Variants in HECTD4 observed in about 807,000 individuals in gnomAD.
The protein encoded by HECTD4 is probable E3 ubiquitin-protein ligase HECTD4.
Under a neutral mutation model 471.5 loss-of-function variants are expected in HECTD4, and 114 were observed. That is an observed-to-expected ratio of 0.24 (90% CI 0.21 to 0.28). The LOEUF (loss-of-function observed/expected upper bound fraction) is 0.28, where lower values mean the gene tolerates loss of function less well. Among genes scored for constraint, HECTD4 ranks in the 10% least tolerant of loss-of-function variants. The pLI is 1.00. For missense variants in HECTD4, 3,866 were observed against 5,651.5 expected (o/e 0.68, Z 10.13); for synonymous variants, 2,012 against 2,256.0 (o/e 0.89, Z 3.07).
At chr12:112,279,889 C>A (rs889865723) in intron 8 of HECTD4, among the ~76,000 whole-genome samples, 2 of 152,138 alleles carry the variant, frequency 1.3e-5, no homozygotes, top group African/African-American at 4.8e-5. Context: ...CCAAAATATT[C>A]CAGTGAACAT....
rs1555255996 is a variant in HECTD4, at chr12:112,295,148, A to AAAGAG, written c.1335+10915_1335+10916insCTCTT. 2.5e-4 allele frequency among the ~76,000 whole-genome samples: 37 copies of AAAGAG among 150,158 alleles called. 1 individual carries two copies. Among genetic ancestry groups the AAAGAG allele is most frequent in the African/African-American group, 6.7e-4 (27 of 40,532 alleles). On this transcript the variant is annotated intron_variant, in intron 7 of 75. Transcript: ENST00000682272. The stretch of plus-strand genomic sequence containing the variant: ...AGCGAAATCCCGTCTGAAAAAAAAA[A>AAAGAG]AGAGAGAGAAACAAAAATCCCTTCC...
intron 44 of HECTD4, among the ~76,000 whole-genome samples, chr12:112,222,729 G>C (rs2033134234): frequency 6.6e-6 from 1 of 152,158 alleles, no homozygotes; most frequent in Admixed American, 6.5e-5. Flanking sequence ...AGCTACTCAG[G>C]AGGCTGAAGC....
Position 112,163,841 on chromosome 12 carries a change from GCCTGGGGCCC to G in HECTD4, c.12702-114_12702-105del. ...GGTCCCGGATCCTCTCTTGGGAGAGGCCTGGGGCCCAGCCGCCCTGGTCATCCCAGTCCTT... is the reference window on the plus strand; with the variant it reads ...GGTCCCGGATCCTCTCTTGGGAGAGGAGCCGCCCTGGTCATCCCAGTCCTT... On this transcript the variant is annotated intron_variant, in intron 73 of 75. Transcript: ENST00000682272. This position sits in a 1 kb window ranked among gnomAD's most constrained non-coding sequence, Gnocchi z 8.2. The G allele has an allele frequency of 1.8e-6, 2 of 1,117,940 alleles. No individual in the cohort carries two copies. The highest frequency in any genetic ancestry group is 2.4e-6 in the Non-Finnish European group (2 of 829,918). 69.3% of individuals were successfully genotyped at this position (1,117,940 alleles called of 1,614,324 possible).
At chr12:112,265,087 G>T in intron 16 of HECTD4, 88 bp downstream of exon 16, 1 of 1,233,128 alleles carries the variant, frequency 8.1e-7, no homozygotes, top group Non-Finnish European at 1.1e-6. Flanking sequence ...TTGTAAGTCT[G>T]TATGTATACA....
At chr12:112,295,115 G>A (rs1283127222) in intron 7 of HECTD4, among the ~76,000 whole-genome samples, 1 of 150,334 alleles carries the variant, frequency 6.7e-6, no homozygotes, top group African/African-American at 2.5e-5. Context: ...GGCTAGCCGA[G>A]GCAACATAGC....
chr12:112,339,042 T>C (rs948908001), intron 1 of HECTD4, among the ~76,000 whole-genome samples: 4 of 152,090 alleles, frequency 2.6e-5, no homozygotes, highest in African/African-American at 7.2e-5. Flanking sequence ...CATTTACAGG[T>C]TGCAGGGACT....
intron 1 of HECTD4, among the ~76,000 whole-genome samples, chr12:112,365,086 C>T (rs891260834): frequency 1.3e-5 from 2 of 152,100 alleles, no homozygotes; most frequent in African/African-American, 4.8e-5. Flanking sequence ...ATCTAAAAAG[C>T]GTTATCTAAC....
rs1397301034 is a variant in HECTD4 at position 112,185,251 on chromosome 12, A to G, written c.9715T>C (p.Ser3239Pro). 1.4e-5 allele frequency: 21 copies of G among 1,549,946 alleles called. No homozygotes were observed. The highest frequency in any genetic ancestry group is 1.8e-5 in the Non-Finnish European group (21 of 1,146,532). ...TGGTCACCGGCCGCCGCCCCCCCGGAGCCCCCGCAGGCGCCGCCTGAGACC... is the reference window on the plus strand; with the variant it reads ...TGGTCACCGGCCGCCGCCCCCCCGGGGCCCCCGCAGGCGCCGCCTGAGACC... ...NWVSGGACGG[S>P]GGAAAGDQGR... Residue 3239 changes from serine (S) to proline (P), a missense_variant, in exon 61 of 76, where the codon TCC becomes CCC. Physicochemically the swap from Ser to Pro is moderately conservative, Grantham distance 74 (BLOSUM62 -1). Coordinates refer to ENST00000682272, the MANE Select transcript of HECTD4 (RefSeq NM_001388303.1).
intron 1 of HECTD4, among the ~76,000 whole-genome samples, chr12:112,365,677 A>G (rs775209344): frequency 2.6e-5 from 4 of 152,100 alleles, no homozygotes; most frequent in Non-Finnish European, 5.9e-5. Context: ...ATTGTACTCT[A>G]TAAGTGGACA....
intron 7 of HECTD4, among the ~76,000 whole-genome samples, chr12:112,303,862 T>TAAAAAAAAAAAAA (rs113450179): frequency 1.8e-5 from 2 of 113,896 alleles, no homozygotes; most frequent in African/African-American, 2.8e-5. Flanking sequence ...TCTCTCAAAA[T>TAAAAAAAAAAAAA]AAAAAAAAAA....
At chr12:112,269,904 T>A (rs2034377583) in intron 12 of HECTD4, 55 bp from the exon 13 acceptor site, 1 of 1,485,770 alleles carries the variant, frequency 6.7e-7, no homozygotes, top group Non-Finnish European at 9.3e-7. Context: ...GGGATAAAAT[T>A]ATCTCTACAA....
chr12:112,258,945 C>T, intron 19 of HECTD4, 167 bp downstream of exon 19: 1 of 650,438 alleles, frequency 1.5e-6, no homozygotes, highest in Non-Finnish European at 2.5e-6. Flanking sequence ...AATGTTTTCC[C>T]TTATTATTTA....
At chr12:112,174,837 G>A (rs759919751) in intron 66 of HECTD4, among the ~76,000 whole-genome samples, 26 of 152,182 alleles carry the variant, frequency 1.7e-4, no homozygotes, top group African/African-American at 4.6e-4. Context: ...GTGAGGCACC[G>A]CGCCTGGCCT....
At chr12:112,336,391 C>CA (rs2035959170) in intron 1 of HECTD4, among the ~76,000 whole-genome samples, 1 of 151,902 alleles carries the variant, frequency 6.6e-6, no homozygotes, top group Non-Finnish European at 1.5e-5. Context: ...GGCATGGTGG[C>CA]AGGCACCTGT....
intron 52 of HECTD4, among the ~76,000 whole-genome samples, chr12:112,205,225 C>T (rs1236401908): frequency 4.0e-5 from 6 of 151,794 alleles, no homozygotes; most frequent in African/African-American, 7.3e-5. Flanking sequence ...CACCTGAGGT[C>T]AGGAGTTTGA....
At chr12:112,209,942 T>G in intron 50 of HECTD4, 73 bp downstream of exon 50, 1 of 1,251,224 alleles carries the variant, frequency 8.0e-7, no homozygotes, top group Non-Finnish European at 1.1e-6. Context: ...TCAAGTGCAA[T>G]GGGTTTATGG....
At chr12:112,368,722 T>G (rs897076888) in intron 1 of HECTD4, among the ~76,000 whole-genome samples, 1 of 152,212 alleles carries the variant, frequency 6.6e-6, no homozygotes, top group East Asian at 1.9e-4. Flanking sequence ...TCTGGTGGAA[T>G]GGTGTAATCC....
In HECTD4 at chr12:112,176,689, T is replaced by A. The variant is rs891060591; in HGVS notation, c.11377A>T (p.Ser3793Cys). The part of the protein sequence containing the change: ...VLNSVSRTAL[S>C]EKKPTVKPKS... ...GGCTTCACAGTTGGCTTCTTCTCAC[T>A]TAAGGCAGTCCTGCTGTAGACCAAA... Residue 3793 changes from serine (S) to cysteine (C), a missense_variant, in exon 65 of 76, where the codon AGT (serine) becomes TGT (cysteine). Ser to Cys is a moderately radical substitution (Grantham distance 112). Coordinates refer to ENST00000682272, the MANE Select transcript of HECTD4 (RefSeq NM_001388303.1). The A allele has an allele frequency of 5.0e-6, 8 of 1,613,436 alleles. No individual in the cohort carries two copies. In the Admixed American group the frequency reaches 5.0e-5, roughly 10 times the overall value.
chr12:112,212,418 T>C, intron 49 of HECTD4, 69 bp downstream of exon 49: 1 of 1,327,940 alleles, frequency 7.5e-7, no homozygotes, highest in South Asian at 1.3e-5. Context: ...CTCCCTTTCA[T>C]TTTTCCATGT....
Sources: allele counts gnomAD v4.1 joint callset (sites outside exome capture counted in the v4.1 genomes callset), GRCh38; gene constraint gnomAD v4.1.1; non-coding constraint Gnocchi (gnomAD v3.1); transcripts MANE v1.5; gene names NCBI Gene and HGNC (gene_info 2026-07-23, HGNC 2026-07-21).